Variants in ZNF277 observed in about 807,000 individuals in gnomAD.
ZNF277 encodes zinc finger protein 277.
A neutral mutation model predicts 60.7 loss-of-function variants in ZNF277; 55 were observed. The observed-to-expected ratio is 0.91, with a 90% CI of 0.73 to 1.13. ZNF277 has a LOEUF of 1.13. ZNF277 is among the 50% of genes most tolerant of loss of function. The pLI, the probability that ZNF277 is intolerant of heterozygous loss-of-function variation, is 0.00. For missense variants in ZNF277, 510 were observed against 523.0 expected, an observed-to-expected ratio of 0.98 and a Z score of 0.24; for synonymous variants, 178 against 179.3, an observed-to-expected ratio of 0.99 and a Z score of 0.06.
chr7:112,217,015 G>A lies in ZNF277; in HGVS notation c.91+10208G>A, dbSNP rs930555673. Among the ~76,000 whole-genome samples, 20 of 152,146 alleles carry A rather than the reference G, an allele frequency of 1.3e-4. 1 individual carries two copies. The highest frequency in any genetic ancestry group is 9.2e-4 in the Admixed American group (14 of 15,280). ...GAGCTACTGATAGAACTGAGGTTTC[G>A]TTCATTCAAAAATTTTATTTAGCAT... On this transcript the variant is annotated intron_variant, in intron 1 of 11. Coordinates refer to ENST00000361822, the MANE Select transcript of ZNF277 (RefSeq NM_021994.3).
intron 1 of ZNF277, among the ~76,000 whole-genome samples, chr7:112,269,555 A>G (rs1791623575): frequency 6.6e-6 from 1 of 152,176 alleles, no homozygotes; most frequent in African/African-American, 2.4e-5. Flanking sequence ...AGAAACAGTT[A>G]AGATAGCCAG....
At chr7:112,291,254 C>T (rs1792200506) in intron 2 of ZNF277, among the ~76,000 whole-genome samples, 1 of 152,082 alleles carries the variant, frequency 6.6e-6, no homozygotes. Context: ...TTCACTGCTA[C>T]TTAATTAACA....
intron 1 of ZNF277, among the ~76,000 whole-genome samples, chr7:112,279,236 T>C (rs1791887930): frequency 1.3e-5 from 2 of 152,224 alleles, no homozygotes; most frequent in African/African-American, 4.8e-5. Flanking sequence ...CTGGCTCATA[T>C]GATAGTTCTA....
intron 6 of ZNF277, chr7:112,328,120 T>G (rs543407669): frequency 5.4e-6 from 1 of 185,640 alleles, no homozygotes; most frequent in African/African-American, 2.3e-5. Flanking sequence ...AATAGAACAT[T>G]GTTAATTCCT....
chr7:112,332,727 G>A (rs926316260), intron 7 of ZNF277, among the ~76,000 whole-genome samples: 1 of 152,064 alleles, frequency 6.6e-6, no homozygotes, highest in African/African-American at 2.4e-5. Context: ...ACCAAAAACT[G>A]TAAGAATGAT....
At chr7:112,333,955 T>C (rs1476802242) in intron 7 of ZNF277, among the ~76,000 whole-genome samples, 2 of 152,194 alleles carry the variant, frequency 1.3e-5, no homozygotes, top group African/African-American at 4.8e-5. Context: ...CCTACGATGC[T>C]CATGTTTCAA....
intron 1 of ZNF277, among the ~76,000 whole-genome samples, chr7:112,243,330 T>G (rs1431665390): frequency 6.6e-6 from 1 of 151,414 alleles, no homozygotes; most frequent in Admixed American, 6.6e-5. Context: ...ATAGACAAGT[T>G]GAACTTAAAT....
chr7:112,323,659 A>G (rs1025723059), intron 5 of ZNF277, among the ~76,000 whole-genome samples: 1 of 152,200 alleles, frequency 6.6e-6, no homozygotes, highest in Non-Finnish European at 1.5e-5. Context: ...ATGTTTCTTA[A>G]ATAAATGTTC....
chr7:112,314,084 A>G (rs1205696212), intron 4 of ZNF277, among the ~76,000 whole-genome samples: 1 of 152,142 alleles, frequency 6.6e-6, no homozygotes, highest in Non-Finnish European at 1.5e-5. Context: ...TAAAAAAGGA[A>G]GTATCACTTC....
chr7:112,212,969 G>A (rs897109810), intron 1 of ZNF277, among the ~76,000 whole-genome samples: 1 of 152,172 alleles, frequency 6.6e-6, no homozygotes, highest in Non-Finnish European at 1.5e-5. Context: ...GGATGTCAGA[G>A]AAGATAAGAA....
chr7:112,295,056 T>C (rs952463383), intron 2 of ZNF277, among the ~76,000 whole-genome samples: 1 of 152,184 alleles, frequency 6.6e-6, no homozygotes, highest in Non-Finnish European at 1.5e-5. Flanking sequence ...TTGTGTGGCC[T>C]GATAAATTGG....
intron 1 of ZNF277, among the ~76,000 whole-genome samples, chr7:112,267,015 G>A (rs1287756956): frequency 6.6e-6 from 1 of 151,996 alleles, no homozygotes; most frequent in Non-Finnish European, 1.5e-5. Flanking sequence ...GTTCATTCCA[G>A]TGGTTTTCAC....
chr7:112,263,611 AT>A (rs1227847014), intron 1 of ZNF277, among the ~76,000 whole-genome samples: 1 of 151,992 alleles, frequency 6.6e-6, no homozygotes, highest in African/African-American at 2.4e-5. Context: ...GGCCTCTCAA[AT>A]TTGTCTCACT....
rs1259246706 is a variant in ZNF277 at position 112,212,221 on chromosome 7, G to A, written c.91+5414G>A. ...CCTTTATAACTTTAAGCCTGTAACT[G>A]AATGACCTACCACATGGACCTTGAA... On this transcript the variant is annotated intron_variant, in intron 1 of 11. Transcript: ENST00000361822. Among the ~76,000 whole-genome samples, 5 of 152,150 alleles carry A rather than the reference G, an allele frequency of 3.3e-5. No individual in the cohort carries two copies. The South Asian group carries it at 6.2e-4, about 19-fold the overall frequency.
chr7:112,334,920 A>T (rs923332393), intron 7 of ZNF277, among the ~76,000 whole-genome samples: 30 of 152,214 alleles, frequency 2.0e-4, no homozygotes, highest in Admixed American at 2.0e-3. Flanking sequence ...CAGACACTTC[A>T]TGATGACTCT....
intron 2 of ZNF277, 110 bp from the exon 3 acceptor site, chr7:112,295,759 C>T: frequency 2.5e-6 from 2 of 802,716 alleles, no homozygotes; most frequent in Non-Finnish European, 4.0e-6. Context: ...TTTAAGTTAA[C>T]ATTTGATTTG....
chr7:112,208,841 C>T (rs1011232505), intron 1 of ZNF277, among the ~76,000 whole-genome samples: 4 of 151,856 alleles, frequency 2.6e-5, no homozygotes, highest in East Asian at 1.9e-4. Context: ...CCAACAAGCC[C>T]GGCTAGTTTT....
chr7:112,303,749 T>A (rs73424453), intron 4 of ZNF277, among the ~76,000 whole-genome samples: 14,343 of 152,146 alleles, frequency 0.094, 1,970 homozygotes, highest in African/African-American at 0.3. Context: ...GTGCTGATAT[T>A]TTCCATGTGA....
At chr7:112,207,657 C>T (rs1202499302) in intron 1 of ZNF277, among the ~76,000 whole-genome samples, 8 of 152,072 alleles carry the variant, frequency 5.3e-5, no homozygotes, top group Non-Finnish European at 1.2e-4. Flanking sequence ...TCCCCCCACC[C>T]CATTTTTGTC....
Sources: allele counts gnomAD v4.1 joint callset (sites outside exome capture counted in the v4.1 genomes callset), GRCh38; gene constraint gnomAD v4.1.1; transcripts MANE v1.5; gene names NCBI Gene and HGNC (gene_info 2026-07-23, HGNC 2026-07-21).